UTRN: variants seen among roughly 807,000 people sequenced by gnomAD.
UTRN encodes utrophin.
UTRN carries 283 observed loss-of-function variants against 463.9 expected under a neutral mutation model. That is an observed-to-expected ratio of 0.61 (90% confidence interval 0.55 to 0.67). The LOEUF (loss-of-function observed/expected upper bound fraction) is 0.67, where lower values mean the gene tolerates loss of function less well. Among genes scored for constraint, UTRN ranks in the 30% least tolerant of loss-of-function variants. UTRN has a pLI of 0.00. For missense variants in UTRN, 3,922 were observed against 4,084.3 expected, an observed-to-expected ratio of 0.96 and a Z score of 1.08; for synonymous variants, 1,442 against 1,431.5, an observed-to-expected ratio of 1.01 and a Z score of -0.17.
At chr6:144,724,009 CAAAAAAAAAAAAA>C (rs59598919) in intron 53 of UTRN, among the ~76,000 whole-genome samples, 3 of 58,774 alleles carry the variant, frequency 5.1e-5, no homozygotes, top group African/African-American at 1.1e-4. Context: ...GACTCCATCT[CAAAAAAAAAAAAA>C]AAAAAAAGAA....
intron 58 of UTRN, among the ~76,000 whole-genome samples, chr6:144,760,435 T>G (rs981850936): frequency 3.3e-5 from 5 of 152,184 alleles, no homozygotes; most frequent in Admixed American, 1.3e-4. Flanking sequence ...TATATGTAGT[T>G]TTAGTGTTAA....
intron 51 of UTRN, among the ~76,000 whole-genome samples, chr6:144,598,443 T>G (rs1585481236): frequency 3.9e-5 from 6 of 152,284 alleles, no homozygotes; most frequent in Admixed American, 3.9e-4. Context: ...AGATGAAGCC[T>G]CTAGTTAGCA....
At chr6:144,599,985 T>C (rs1804070769) in intron 51 of UTRN, among the ~76,000 whole-genome samples, 1 of 152,190 alleles carries the variant, frequency 6.6e-6, no homozygotes, top group East Asian at 1.9e-4. Context: ...TTCATTATTA[T>C]TATATATTAT....
At chr6:144,569,815 G>T (rs896467788) in intron 50 of UTRN, among the ~76,000 whole-genome samples, 6 of 152,192 alleles carry the variant, frequency 3.9e-5, no homozygotes, top group African/African-American at 1.4e-4. Flanking sequence ...TGGAGGAGGT[G>T]GCAGAAGAGT....
intron 51 of UTRN, among the ~76,000 whole-genome samples, chr6:144,585,638 TG>T (rs1341977242): frequency 2.2e-4 from 33 of 152,186 alleles, no homozygotes; most frequent in African/African-American, 7.0e-4. Context: ...TCTCAAATAT[TG>T]ATAGAGGTAG....
At chr6:144,635,138 GTTTTTTT>G (rs149100143) in intron 51 of UTRN, among the ~76,000 whole-genome samples, 1 of 103,098 alleles carries the variant, frequency 9.7e-6, no homozygotes, top group Non-Finnish European at 2.0e-5. Flanking sequence ...TTATTTGTGT[GTTTTTTT>G]TTTTTTTTTT....
At chr6:144,507,718 C>T (rs1366136502) in intron 34 of UTRN, among the ~76,000 whole-genome samples, 1 of 152,180 alleles carries the variant, frequency 6.6e-6, no homozygotes, top group African/African-American at 2.4e-5. Flanking sequence ...TGGGAGGTGT[C>T]TCCCAGTCAG....
At chr6:144,561,807 A>C (rs1799951693) in intron 50 of UTRN, among the ~76,000 whole-genome samples, 1 of 152,134 alleles carries the variant, frequency 6.6e-6, no homozygotes. Context: ...GTATATGCTT[A>C]AGAAAAAGAT....
chr6:144,395,504 G>T (rs142282459), intron 2 of UTRN, among the ~76,000 whole-genome samples: 1 of 151,418 alleles, frequency 6.6e-6, no homozygotes, highest in African/African-American at 2.4e-5. Flanking sequence ...AAGTTTAGGC[G>T]CTCTAGAAAG....
Position 144,514,697 on chromosome 6 carries a change from C to T in UTRN, c.5121C>T (p.Val1707=), listed in dbSNP as rs1795462677. 1.2e-6 allele frequency: 2 copies of T among 1,614,130 alleles called. No homozygotes were observed. The highest frequency in any genetic ancestry group is 1.7e-6 in the Non-Finnish European group (2 of 1,180,008). The stretch of plus-strand genomic sequence containing the variant: ...ATGCCAACCTCCAGGTTGAAAATGT[C>T]CGCGATCAAGCCCTTATTTTGATGA... ...LDDANLQVEN[V]RDQALILMNA... is the part of the protein sequence containing the mutation. Residue 1707 remains valine (V), a synonymous_variant, in exon 37 of 75, where the codon GTC becomes GTT. Transcript: ENST00000367545.
intron 51 of UTRN, among the ~76,000 whole-genome samples, chr6:144,677,475 A>G (rs1052590875): frequency 6.6e-6 from 1 of 152,096 alleles, no homozygotes; most frequent in Non-Finnish European, 1.5e-5. Flanking sequence ...ATAGTATTCC[A>G]TGGTGTATAT....
At chr6:144,677,944 G>A (rs1282258557) in intron 51 of UTRN, among the ~76,000 whole-genome samples, 1 of 152,038 alleles carries the variant, frequency 6.6e-6, no homozygotes, top group African/African-American at 2.4e-5. Context: ...TTTTTGATGG[G>A]GTTGTTTGCT....
In UTRN at chr6:144,309,840, C is replaced by G. The variant is rs562119434; in HGVS notation, c.79+17933C>G. 6.6e-5 allele frequency among the ~76,000 whole-genome samples: 10 copies of G among 152,322 alleles called. No homozygotes were observed. The East Asian group carries it at 1.9e-3, about 29-fold the overall frequency. On this transcript the variant is annotated intron_variant, in intron 2 of 74. Transcript: ENST00000367545. Reference sequence around the variant, plus strand: ...GATCTACAGGACCCTGTTTATCCTGCCTGGCTTCATCTCCCCTTACTAGTT... The same window carrying G: ...GATCTACAGGACCCTGTTTATCCTGGCTGGCTTCATCTCCCCTTACTAGTT...
chr6:144,820,815 A>T, intron 65 of UTRN, 67 bp from the exon 66 acceptor site: 1 of 1,533,448 alleles, frequency 6.5e-7, no homozygotes, highest in Non-Finnish European at 8.8e-7. Flanking sequence ...ATCGGCTCTG[A>T]TTTTGTTATA....
intron 51 of UTRN, among the ~76,000 whole-genome samples, chr6:144,628,217 C>T (rs745478732): frequency 2.0e-4 from 30 of 152,182 alleles, no homozygotes; most frequent in Non-Finnish European, 3.8e-4. Flanking sequence ...CTGCTATGAA[C>T]ATTGGTGTAC....
chr6:144,523,190 T>C lies in UTRN; in HGVS notation c.5906+2T>C. 1.3e-6 allele frequency: 2 copies of C among 1,554,274 alleles called. No individual in the cohort carries two copies. Among genetic ancestry groups the C allele is most frequent in the Non-Finnish European group, 1.7e-6 (2 of 1,152,842 alleles). Reference sequence around the variant, plus strand: ...TAGAATGTACAGTGATCGGAAAGGGTATGTGTAAATGAAATTAATATTTAA... The same window carrying C: ...TAGAATGTACAGTGATCGGAAAGGGCATGTGTAAATGAAATTAATATTTAA... On this transcript the variant is annotated splice_donor_variant, in intron 41 of 74. Coordinates refer to ENST00000367545, the MANE Select transcript of UTRN (RefSeq NM_007124.3). LOFTEE classifies it high-confidence loss of function.
chr6:144,343,852 G>A (rs1270668224), intron 2 of UTRN, among the ~76,000 whole-genome samples: 1 of 151,966 alleles, frequency 6.6e-6, no homozygotes, highest in East Asian at 1.9e-4. Context: ...ATTTATCTAC[G>A]CAGTGGGTAG....
At chr6:144,512,341 G>A (rs142225327) in intron 35 of UTRN, among the ~76,000 whole-genome samples, 47 of 152,104 alleles carry the variant, frequency 3.1e-4, no homozygotes, top group African/African-American at 1.0e-3. Context: ...CATTCAAGCA[G>A]TATCTTTCTA....
chr6:144,780,648 A>C (rs1775745132), intron 60 of UTRN, among the ~76,000 whole-genome samples: 1 of 151,974 alleles, frequency 6.6e-6, no homozygotes, highest in South Asian at 2.1e-4. Flanking sequence ...AAATTGATTA[A>C]ATTAAAAAAA....
Sources: gnomAD v4.1 joint callset for allele counts (sites outside exome capture counted in the v4.1 genomes callset) on GRCh38, gnomAD v4.1.1 for gene constraint, MANE v1.5 for transcripts, NCBI Gene and HGNC (gene_info 2026-07-23, HGNC 2026-07-21) for gene names.